The following TCF23 variants were observed in gnomAD, a reference collection of about 807,000 sequenced individuals.
TCF23 encodes the protein transcription factor 23.
TCF23 carries 7 observed loss-of-function variants against 13.0 expected under a neutral mutation model. The observed-to-expected ratio is 0.54, with a 90% CI of 0.31 to 1.01. The LOEUF (loss-of-function observed/expected upper bound fraction) is 1.01, where lower values mean the gene tolerates loss of function less well. Among genes scored for constraint, TCF23 ranks in the 50% least tolerant of loss-of-function variants. TCF23 has a pLI of 0.06. For synonymous variants in TCF23, 122 were observed against 119.5 expected (o/e 1.02, Z -0.14); for missense variants, 257 against 289.8 (o/e 0.89, Z 0.82).
At chr2:27,151,724 C>G (rs1388885026) in intron 2 of TCF23, among the ~76,000 whole-genome samples, 5 of 152,132 alleles carry the variant, frequency 3.3e-5, no homozygotes, top group Non-Finnish European at 7.4e-5. Flanking sequence ...TACCCTCAAA[C>G]TCCTGGGCTC....
In TCF23 at chr2:27,149,196, G is replaced by T. The variant is rs899642425; in HGVS notation, c.63G>T (p.Gln21His). 6.4e-7 allele frequency: 1 copy of T among 1,553,376 alleles called. No individual in the cohort carries two copies. Among genetic ancestry groups the T allele is most frequent in the African/African-American group, 1.4e-5 (1 of 73,188 alleles). ...CAGGGGTGGGGCATAGCCAGACTCA[G>T]GCCAAAGCACGGTTGCTGCCAGGCG... ...AMPGVGHSQT[Q>H]AKARLLPGAD... The change falls in exon 1 of 3, where the codon CAG becomes CAT. Residue 21 changes from glutamine (Q) to histidine (H), a missense_variant. Physicochemically the swap from Gln to His is conservative, Grantham distance 24. Coordinates refer to ENST00000296096, the MANE Select transcript of TCF23 (RefSeq NM_175769.3).
Position 27,150,859 on chromosome 2 carries a change from G to C in TCF23, c.465+494G>C, listed in dbSNP as rs182482882. 6.6e-4 allele frequency among the ~76,000 whole-genome samples: 100 copies of C among 152,244 alleles called. 1 individual carries two copies. The East Asian group carries it at 0.014, about 22-fold the overall frequency. On this transcript the variant is annotated intron_variant, in intron 2 of 2. Transcript: ENST00000296096. This position sits in a 1 kb window ranked among gnomAD's most constrained non-coding sequence, Gnocchi z 4.1. ...GGGGGAGTTAGCAGGCAGCAGTACAGGGAAGGCGCGCACCACTTGCCAGAC... is the reference window on the plus strand; with the variant it reads ...GGGGGAGTTAGCAGGCAGCAGTACACGGAAGGCGCGCACCACTTGCCAGAC...
rs754084581 is a variant in TCF23, at chr2:27,149,239, C to T, written c.106C>T (p.Arg36Cys). ...GCCAGGCGCTGACAGGAAGAGGAGC[C>T]GCCTCAGCAGGACAAGGCAGGACCC... The part of the protein sequence containing the change: ...LLPGADRKRS[R>C]LSRTRQDPWE... The change falls in exon 1 of 3, where the codon CGC becomes TGC. Residue 36 changes from arginine (R) to cysteine (C), a missense_variant. Physicochemically the swap from Arg to Cys is radical, Grantham distance 180. Transcript: ENST00000296096. 23 of 1,572,460 alleles carry T rather than the reference C, an allele frequency of 1.5e-5. No homozygotes were observed. The highest frequency in any genetic ancestry group is 6.8e-5 in the African/African-American group (5 of 73,976).
intron 2 of TCF23, 74 bp from the exon 3 acceptor site, chr2:27,152,614 T>C: frequency 1.3e-6 from 2 of 1,548,928 alleles, no homozygotes; most frequent in Non-Finnish European, 1.7e-6. Context: ...AGGCTGGGTT[T>C]TGGGTGTCAA....
Position 27,152,882 on chromosome 2 carries a change from C to CT in TCF23, c.*19dup, listed in dbSNP as rs1244419706. 6.2e-7 allele frequency: 1 copy of CT among 1,609,796 alleles called. No individual in the cohort carries two copies. Among genetic ancestry groups the CT allele is most frequent in the Admixed American group, 1.7e-5 (1 of 59,738 alleles). On this transcript the variant is annotated 3_prime_UTR_variant, in exon 3 of 3. Transcript: ENST00000296096. ...GTGACAAATAATTATCACACTCGCC[C>CT]TTTTCTCCTAGACTGTGACTCATGC...
rs528734812 is a variant in TCF23 at position 27,156,805 on chromosome 2, T to C, written c.*3938T>C. 2.6e-5 allele frequency: 4 copies of C among 152,376 alleles called. No homozygotes were observed. Among genetic ancestry groups the C allele is most frequent in the African/African-American group, 9.6e-5 (4 of 41,600 alleles). 9.4% of individuals were successfully genotyped at this position (152,376 alleles called of 1,614,324 possible). A position where few individuals can be genotyped will look rare whatever the true frequency, so the allele number is the denominator to read the frequency against. On this transcript the variant is annotated 3_prime_UTR_variant, in exon 3 of 3. Transcript: ENST00000296096. Reference sequence around the variant, plus strand: ...TCTCTTCCTCTGGGAGGAGCCTGGCTAGGGTGAGTCAGATGGCACTGTCCT... The same window carrying C: ...TCTCTTCCTCTGGGAGGAGCCTGGCCAGGGTGAGTCAGATGGCACTGTCCT...
In TCF23 at chr2:27,150,447, T is replaced by C; in HGVS notation, c.465+82T>C. On this transcript the variant is annotated intron_variant, in intron 2 of 2. Transcript: ENST00000296096. The surrounding 1 kb of genome is among the most constrained non-coding windows in gnomAD (Gnocchi z 4.1). ...AAAGGGATTGGAATGAGGGGGGACATTGGACTTGGGCCCCCTGCCCTGTGC... is the reference window on the plus strand; with the variant it reads ...AAAGGGATTGGAATGAGGGGGGACACTGGACTTGGGCCCCCTGCCCTGTGC... The C allele has an allele frequency of 6.4e-7, 1 of 1,565,096 alleles. No individual in the cohort carries two copies. Among genetic ancestry groups the C allele is most frequent in the Non-Finnish European group, 8.7e-7 (1 of 1,149,650 alleles).
chr2:27,151,804 T>G (rs569587555), intron 2 of TCF23, among the ~76,000 whole-genome samples: 1 of 151,914 alleles, frequency 6.6e-6, no homozygotes, highest in Admixed American at 6.6e-5. Context: ...CCTGGCTTTT[T>G]TTTTTCTTTT....
In TCF23 at chr2:27,149,207, G is replaced by A. The variant is rs11126879; in HGVS notation, c.74G>A (p.Arg25Gln). Residue 25 changes from arginine to glutamine, a missense_variant, in exon 1 of 3, where the codon CGG becomes CAG. Physicochemically the swap from Arg to Gln is conservative, Grantham distance 43. Coordinates refer to ENST00000296096, the MANE Select transcript of TCF23 (RefSeq NM_175769.3). ...VGHSQTQAKA[R>Q]LLPGADRKRS... is the part of the protein sequence containing the mutation. ...CATAGCCAGACTCAGGCCAAAGCACGGTTGCTGCCAGGCGCTGACAGGAAG... is the reference window on the plus strand; with the variant it reads ...CATAGCCAGACTCAGGCCAAAGCACAGTTGCTGCCAGGCGCTGACAGGAAG... 838 of 1,555,684 alleles carry A rather than the reference G, an allele frequency of 5.4e-4. 3 individuals carry two copies. The African/African-American group carries it at 9.7e-3, about 18-fold the overall frequency.
chr2:27,152,745 T>A lies in TCF23; in HGVS notation c.523T>A (p.Ser175Thr). The change falls in exon 3 of 3, where the codon TCC becomes ACC. Residue 175 changes from serine (S) to threonine (T), a missense_variant. Transcript: ENST00000296096. Reference protein sequence around the residue: ...AGGLGYSDLDSTTASTPSQRT... With the variant: ...AGGLGYSDLDTTTASTPSQRT... ...AGGCCTGGGGTACTCCGATCTTGAC[T>A]CCACCACAGCCAGCACCCCCAGCCA... 1 of 1,614,112 alleles carries A rather than the reference T, an allele frequency of 6.2e-7. No homozygotes were observed. Among genetic ancestry groups the A allele is most frequent in the Non-Finnish European group, 8.5e-7 (1 of 1,180,020 alleles).
rs760198982 is a variant in TCF23, at chr2:27,153,863, T to A, written c.*996T>A. The A allele has an allele frequency of 1.1e-4, 17 of 152,206 alleles. No individual in the cohort carries two copies. The highest frequency in any genetic ancestry group is 2.2e-4 in the Non-Finnish European group (15 of 68,040). The allele number at this position is 152,206 out of a possible 1,614,324, so 9.4% of individuals were successfully genotyped here. A position where few individuals can be genotyped will look rare whatever the true frequency, so the allele number is the denominator to read the frequency against. ...TTAAATATGAAGGATATTGACAGAA[T>A]CAATTACATCCTTGAAGGACCTTAA... On this transcript the variant is annotated 3_prime_UTR_variant, in exon 3 of 3. Coordinates refer to ENST00000296096, the MANE Select transcript of TCF23 (RefSeq NM_175769.3).
rs1672796527 is a variant in TCF23 at position 27,153,549 on chromosome 2, T to C, written c.*682T>C. On this transcript the variant is annotated 3_prime_UTR_variant, in exon 3 of 3. Transcript: ENST00000296096. Reference sequence around the variant, plus strand: ...TCTTTTCTTTTCGTTTCTTCTTCTTTTTATGTAGAGATGGGGGTCTTGATA... The same window carrying C: ...TCTTTTCTTTTCGTTTCTTCTTCTTCTTATGTAGAGATGGGGGTCTTGATA... The C allele has an allele frequency of 6.3e-6, 1 of 159,430 alleles. No individual in the cohort carries two copies. The highest frequency in any genetic ancestry group is 1.3e-5 in the Non-Finnish European group (1 of 74,124). 9.9% of individuals were successfully genotyped at this position (159,430 alleles called of 1,614,324 possible).
intron 1 of TCF23, chr2:27,149,589 CTG>C (rs1379170213): frequency 6.1e-6 from 4 of 652,070 alleles, no homozygotes; most frequent in Non-Finnish European, 1.1e-5. Context: ...CTTGAGGAAA[CTG>C]AGGCCGGGAA....
In TCF23 at chr2:27,149,340, C is replaced by A. The variant is rs1394290297; in HGVS notation, c.207C>A (p.Gly69=). 1 of 1,582,006 alleles carries A rather than the reference C, an allele frequency of 6.3e-7. No individual in the cohort carries two copies. The highest frequency in any genetic ancestry group is 8.6e-7 in the Non-Finnish European group (1 of 1,163,948). ...TPGPRGTRAG[G]LALGRSEASP... is the part of the protein sequence containing the mutation. ...GCCCTCGAGGGACCAGGGCTGGGGGCCTGGCTCTTGGCAGGGTAAGGAAAT... is the reference window on the plus strand; with the variant it reads ...GCCCTCGAGGGACCAGGGCTGGGGGACTGGCTCTTGGCAGGGTAAGGAAAT... Residue 69 remains glycine, a synonymous_variant, in exon 1 of 3, where the codon GGC becomes GGA. Transcript: ENST00000296096.
rs1036998280 is a variant in TCF23 at position 27,155,807 on chromosome 2, A to C, written c.*2940A>C. The C allele has an allele frequency of 2.0e-5, 3 of 152,310 alleles. No individual in the cohort carries two copies. Among genetic ancestry groups the C allele is most frequent in the African/African-American group, 7.2e-5 (3 of 41,468 alleles). The allele number at this position is 152,310 out of a possible 1,614,324, so 9.4% of individuals were successfully genotyped here. On this transcript the variant is annotated 3_prime_UTR_variant, in exon 3 of 3. Transcript: ENST00000296096. ...AAGAAAATATGGATGAAAACATTTG[A>C]GCATGGATGACAAATGACACTAGGG...
At chr2:27,152,639 G>C in intron 2 of TCF23, 49 bp from the exon 3 acceptor site, 1 of 1,585,346 alleles carries the variant, frequency 6.3e-7, no homozygotes, top group Non-Finnish European at 8.6e-7. Context: ...CCTGGACCAC[G>C]AAGGGCTGCA....
Position 27,150,317 on chromosome 2 carries a change from T to C in TCF23, c.417T>C (p.Pro139=). Residue 139 remains proline (P), a synonymous_variant, in exon 2 of 3, where the codon CCT becomes CCC. Transcript: ENST00000296096. The surrounding 1 kb of genome is among the most constrained non-coding windows in gnomAD (Gnocchi z 4.1). ...CACTCGGCCACGAGTTGCCTGGCCCTGCCTGGCCGCCCTTCCTGCGTGGAC... is the reference window on the plus strand; with the variant it reads ...CACTCGGCCACGAGTTGCCTGGCCCCGCCTGGCCGCCCTTCCTGCGTGGAC... ...TRTLGHELPG[P]AWPPFLRGLR... 1 of 1,613,702 alleles carries C rather than the reference T, an allele frequency of 6.2e-7. No homozygotes were observed. The highest frequency in any genetic ancestry group is 1.1e-5 in the South Asian group (1 of 91,074).
Position 27,153,079 on chromosome 2 carries a change from C to G in TCF23, c.*212C>G. 1 of 1,186,884 alleles carries G rather than the reference C, an allele frequency of 8.4e-7. No individual in the cohort carries two copies. The allele number at this position is 1,186,884 out of a possible 1,614,324, so 73.5% of individuals were successfully genotyped here. A position where few individuals can be genotyped will look rare whatever the true frequency, so the allele number is the denominator to read the frequency against. On this transcript the variant is annotated 3_prime_UTR_variant, in exon 3 of 3. Coordinates refer to ENST00000296096, the MANE Select transcript of TCF23 (RefSeq NM_175769.3). Reference sequence around the variant, plus strand: ...CTCCTCCTTGGTCCCCAGGAGGGGACTTCCCCATGGCTCTTCTGTGACAGC... The same window carrying G: ...CTCCTCCTTGGTCCCCAGGAGGGGAGTTCCCCATGGCTCTTCTGTGACAGC...
chr2:27,149,522 A>G (rs1672727636), intron 1 of TCF23, among the ~76,000 whole-genome samples, 167 bp downstream of exon 1: 2 of 152,264 alleles, frequency 1.3e-5, no homozygotes, highest in Non-Finnish European at 1.5e-5. Flanking sequence ...TAGTTGGGAT[A>G]GATCAGAGCT....
Sources: gnomAD v4.1 joint callset for allele counts (sites outside exome capture counted in the v4.1 genomes callset) on GRCh38, gnomAD v4.1.1 for gene constraint, Gnocchi (gnomAD v3.1) non-coding constraint, MANE v1.5 for transcripts, NCBI Gene and HGNC (gene_info 2026-07-23, HGNC 2026-07-21) for gene names.